The following CFAP44 variants were observed in gnomAD, a reference collection of about 807,000 sequenced individuals.
The protein encoded by CFAP44 is cilia- and flagella-associated protein 44.
CFAP44 carries 134 observed loss-of-function variants against 216.2 expected under a neutral mutation model. That is an observed-to-expected ratio of 0.62 (90% CI 0.54 to 0.72). The LOEUF (loss-of-function observed/expected upper bound fraction) is 0.72. CFAP44 is among the 30% of genes least tolerant of loss of function. CFAP44 has a pLI of 0.00. For synonymous variants in CFAP44, 700 were observed against 727.6 expected, an observed-to-expected ratio of 0.96 and a Z score of 0.61; for missense variants, 2,035 against 2,182.1, an observed-to-expected ratio of 0.93 and a Z score of 1.34.
chr3:113,436,873 A>G (rs1207523453), intron 1 of CFAP44, among the ~76,000 whole-genome samples: 1 of 152,252 alleles, frequency 6.6e-6, no homozygotes, highest in Admixed American at 6.5e-5. Flanking sequence ...GACATTTAGC[A>G]GCTTAAATAA....
intron 18 of CFAP44, among the ~76,000 whole-genome samples, chr3:113,369,813 GAA>G (rs1168170805): frequency 9.2e-5 from 14 of 151,572 alleles, no homozygotes; most frequent in African/African-American, 3.4e-4. Context: ...ACAATCAAGA[GAA>G]TTGATAGAGA....
chr3:113,377,305 C>T (rs1446689287), intron 17 of CFAP44, among the ~76,000 whole-genome samples: 1 of 152,142 alleles, frequency 6.6e-6, no homozygotes. Context: ...TGTTTGGCTG[C>T]AGGCACAGAG....
chr3:113,427,087 C>A, intron 3 of CFAP44, 100 bp downstream of exon 3: 1 of 1,268,400 alleles, frequency 7.9e-7, no homozygotes, highest in Non-Finnish European at 1.1e-6. Flanking sequence ...ATATGTACAT[C>A]CTGCACATTT....
intron 5 of CFAP44, among the ~76,000 whole-genome samples, chr3:113,418,054 C>T (rs1241724489): frequency 9.4e-6 from 1 of 106,918 alleles, no homozygotes; most frequent in Non-Finnish European, 1.9e-5. Context: ...TTTATTGAGA[C>T]ACAATTTATT....
chr3:113,353,453 TACACACACACACACACAC>T (rs34714015), intron 22 of CFAP44, among the ~76,000 whole-genome samples: 23 of 141,722 alleles, frequency 1.6e-4, no homozygotes, highest in African/African-American at 2.6e-4. Context: ...TATGTATGAA[TACACACACACACACACAC>T]ACACACACAC....
rs1194916316 is a variant in CFAP44 at position 113,289,939 on chromosome 3, C to T, written c.*1618G>A. 2 of 152,258 alleles carry T rather than the reference C, an allele frequency of 1.3e-5. No individual in the cohort carries two copies. Among genetic ancestry groups the T allele is most frequent in the Admixed American group, 6.5e-5 (1 of 15,284 alleles). The allele number at this position is 152,258 out of a possible 1,614,324, so 9.4% of individuals were successfully genotyped here. A position where few individuals can be genotyped will look rare whatever the true frequency, so the allele number is the denominator to read the frequency against. ...CCAGCCAAGCTTCAGATGGCTGCAG[C>T]CCCAGCTCCTAGTGTGACTGCAACT... On this transcript the variant is annotated 3_prime_UTR_variant, in exon 35 of 35. Transcript: ENST00000393845.
intron 32 of CFAP44, among the ~76,000 whole-genome samples, chr3:113,301,420 G>A (rs1949933790): frequency 6.6e-6 from 1 of 152,082 alleles, no homozygotes; most frequent in South Asian, 2.1e-4. Flanking sequence ...ATGTTACAGT[G>A]TTGGTAATAA....
intron 32 of CFAP44, among the ~76,000 whole-genome samples, chr3:113,302,351 C>T (rs748490667): frequency 1.9e-4 from 28 of 149,114 alleles, no homozygotes; most frequent in Non-Finnish European, 3.4e-4. Context: ...TTAAGCAAGA[C>T]ACACACACAT....
intron 32 of CFAP44, among the ~76,000 whole-genome samples, chr3:113,299,542 T>A (rs1463918900): frequency 6.6e-6 from 1 of 152,144 alleles, no homozygotes; most frequent in Non-Finnish European, 1.5e-5. Context: ...TATCATATGA[T>A]CCAGCAATCG....
At chr3:113,404,263 T>C (rs898283556) in intron 8 of CFAP44, among the ~76,000 whole-genome samples, 7 of 152,192 alleles carry the variant, frequency 4.6e-5, no homozygotes, top group African/African-American at 1.7e-4. Context: ...CTGTATGTTG[T>C]TGGTAATTGT....
Position 113,400,311 on chromosome 3 carries a change from C to T in CFAP44, c.1474+234G>A, listed in dbSNP as rs77432758. Among the ~76,000 whole-genome samples, 1,246 of 152,098 alleles carry T rather than the reference C, an allele frequency of 8.2e-3. 9 individuals carry two copies. The highest frequency in any genetic ancestry group is 0.024 in the Middle Eastern group (7 of 294). On this transcript the variant is annotated intron_variant, in intron 12 of 34. Transcript: ENST00000393845. The stretch of plus-strand genomic sequence containing the variant: ...AACACAAATGTGGACAATATCAAAA[C>T]GAGCAGCATTTTCATGAGCAATTTA...
chr3:113,365,838 C>A (rs1950581954), intron 19 of CFAP44, among the ~76,000 whole-genome samples: 1 of 151,880 alleles, frequency 6.6e-6, no homozygotes, highest in African/African-American at 2.4e-5. Flanking sequence ...GAATTCCAAT[C>A]TTTAATAATA....
intron 9 of CFAP44, among the ~76,000 whole-genome samples, chr3:113,403,330 T>C (rs1193098057): frequency 6.6e-6 from 1 of 152,176 alleles, no homozygotes; most frequent in Non-Finnish European, 1.5e-5. Context: ...GGAGCAATGT[T>C]CCAGCTTAGC....
chr3:113,306,028 C>G (rs1051053178), intron 30 of CFAP44, among the ~76,000 whole-genome samples, 173 bp downstream of exon 30: 1 of 151,862 alleles, frequency 6.6e-6, no homozygotes, highest in Non-Finnish European at 1.5e-5. Context: ...GTCCAATGAT[C>G]AAAAAAGCAA....
At chr3:113,425,313 T>C (rs1934930878) in intron 4 of CFAP44, among the ~76,000 whole-genome samples, 1 of 152,228 alleles carries the variant, frequency 6.6e-6, no homozygotes. Flanking sequence ...CACGTGGTGA[T>C]AAGTACTAAC....
chr3:113,377,418 T>C (rs1933376864), intron 17 of CFAP44, among the ~76,000 whole-genome samples: 3 of 152,294 alleles, frequency 2.0e-5, no homozygotes, highest in Admixed American at 2.0e-4. Context: ...TGGAGCCAGA[T>C]TGCTTGAGTC....
At chr3:113,368,035 A>G (rs185940424) in intron 18 of CFAP44, among the ~76,000 whole-genome samples, 1 of 152,380 alleles carries the variant, frequency 6.6e-6, no homozygotes, top group Admixed American at 6.5e-5. Flanking sequence ...AGACAAGATT[A>G]GAGAAAAAAG....
In CFAP44 at chr3:113,381,071, A is replaced by G. The variant is rs746075058; in HGVS notation, c.1891-11T>C. ...TAAAGTACTTTCAGGCTAAAAAAGA[A>G]AAATTGAACATATTTACATTTAGGC... is the stretch of plus-strand genomic sequence containing the variant. On this transcript the variant is annotated splice_polypyrimidine_tract_variant and intron_variant, in intron 15 of 34. Transcript: ENST00000393845. 3.9e-6 allele frequency: 6 copies of G among 1,542,354 alleles called. No individual in the cohort carries two copies. In the South Asian group the frequency reaches 7.9e-5, roughly 20 times the overall value.
chr3:113,317,696 G>T (rs939151811), intron 28 of CFAP44, among the ~76,000 whole-genome samples: 4 of 152,216 alleles, frequency 2.6e-5, no homozygotes, highest in Non-Finnish European at 5.9e-5. Context: ...TTGAGCTGGG[G>T]AGGAGCCCTC....
Sources: gnomAD v4.1 joint callset for allele counts (sites outside exome capture counted in the v4.1 genomes callset) on GRCh38, gnomAD v4.1.1 for gene constraint, MANE v1.5 for transcripts, NCBI Gene and HGNC (gene_info 2026-07-23, HGNC 2026-07-21) for gene names.